Variants in GTF2IRD1 observed in about 807,000 individuals in gnomAD.
GTF2IRD1 encodes the protein GTF2I repeat domain containing 1, also known as general transcription factor II-I repeat domain-containing protein 1.
A neutral mutation model predicts 113.2 loss-of-function variants in GTF2IRD1; 26 were observed. That is an observed-to-expected ratio of 0.23 (90% confidence interval 0.17 to 0.32). The LOEUF (loss-of-function observed/expected upper bound fraction) is 0.32, where lower values mean the gene tolerates loss of function less well. Ranked by LOEUF, GTF2IRD1 falls within the 10% of genes least tolerant of loss-of-function variation. The probability of loss-of-function intolerance (pLI) is 1.00; values close to 1 mark genes in which losing one functional copy is unlikely to be tolerated. For missense variants in GTF2IRD1, 864 were observed against 1,280.8 expected (o/e 0.67, Z 4.97); for synonymous variants, 484 against 529.1 (o/e 0.91, Z 1.17).
intron 16 of GTF2IRD1, among the ~76,000 whole-genome samples, chr7:74,546,171 C>T (rs1365317442): frequency 6.6e-6 from 1 of 151,814 alleles, no homozygotes; most frequent in East Asian, 1.9e-4. Context: ...GATAAGATAA[C>T]CTCAGTGGTG....
At chr7:74,459,091 G>T (rs1793186609) in intron 1 of GTF2IRD1, among the ~76,000 whole-genome samples, 1 of 152,166 alleles carries the variant, frequency 6.6e-6, no homozygotes, top group Non-Finnish European at 1.5e-5. Flanking sequence ...CATGAGTATG[G>T]AGGGTCGTGC....
At chr7:74,538,804 G>A (rs782231182) in intron 13 of GTF2IRD1, 44 bp downstream of exon 13, 83 of 1,050,986 alleles carry the variant, frequency 7.9e-5, no homozygotes, top group East Asian at 7.6e-4. Flanking sequence ...AATCAGGGCC[G>A]GACCGTTAGC....
chr7:74,468,852 A>G (rs1257597093), intron 1 of GTF2IRD1, among the ~76,000 whole-genome samples: 3 of 152,036 alleles, frequency 2.0e-5, no homozygotes, highest in South Asian at 4.1e-4. Context: ...TGGGAGGCCA[A>G]GGCAGGCAGA....
Position 74,521,235 on chromosome 7 carries a change from C to T in GTF2IRD1, c.944C>T (p.Pro315Leu). ...CGQKPTGPGG[P>L]LIQNVHASKR... ...CAGAAGCCCACTGGGCCTGGTGGGC[C>T]TCTCATCCAGAACGTCCATGCCTCC... Residue 315 changes from proline (P) to leucine (L), a missense_variant, in exon 7 of 27, where the codon CCT becomes CTT. Pro to Leu is a moderately conservative substitution (Grantham distance 98). Transcript: ENST00000424337. 6.2e-7 allele frequency: 1 copy of T among 1,609,304 alleles called. No homozygotes were observed. Among genetic ancestry groups the T allele is most frequent in the Non-Finnish European group, 8.5e-7 (1 of 1,175,922 alleles).
intron 1 of GTF2IRD1, among the ~76,000 whole-genome samples, chr7:74,475,348 G>A (rs1305572190): frequency 1.3e-5 from 2 of 152,222 alleles, no homozygotes; most frequent in African/African-American, 4.8e-5. Context: ...TGTGAGGAAG[G>A]GACAGGGTGT....
At position 74,512,133 on chromosome 7, in the gene GTF2IRD1, C is replaced by T. The variant is rs1286403515; in HGVS notation, c.124-697C>T. 3.9e-5 allele frequency among the ~76,000 whole-genome samples: 6 copies of T among 152,126 alleles called. No individual in the cohort carries two copies. The highest frequency in any genetic ancestry group is 8.8e-5 in the Non-Finnish European group (6 of 68,024). On this transcript the variant is annotated intron_variant, in intron 2 of 26. Transcript: ENST00000424337. This position sits in a 1 kb window ranked among gnomAD's most constrained non-coding sequence, Gnocchi z 4.4. Reference sequence around the variant, plus strand: ...TTGGGAGGCTGAGACGGGCAGATCACCTGAGGTCAGGAGTTTGAGACCAGC... The same window carrying T: ...TTGGGAGGCTGAGACGGGCAGATCATCTGAGGTCAGGAGTTTGAGACCAGC...
At chr7:74,496,595 T>C (rs1394415668) in intron 1 of GTF2IRD1, among the ~76,000 whole-genome samples, 14 of 149,250 alleles carry the variant, frequency 9.4e-5, no homozygotes, top group African/African-American at 3.2e-4. Flanking sequence ...TGTGGGTGGG[T>C]GTGGGTGTGC....
intron 22 of GTF2IRD1, chr7:74,571,002 C>T: frequency 1.4e-6 from 1 of 701,390 alleles, no homozygotes; most frequent in Non-Finnish European, 1.8e-6. Context: ...AGGGCTCTCC[C>T]CGGACCCAGG....
At chr7:74,496,469 A>ATGTGGGTGTG (rs1491569784) in intron 1 of GTF2IRD1, among the ~76,000 whole-genome samples, 201 of 88,990 alleles carry the variant, frequency 2.3e-3, no homozygotes, top group African/African-American at 0.011. Context: ...ATGTGTGTTC[A>ATGTGGGTGTG]TGTGGGTGTG....
intron 1 of GTF2IRD1, among the ~76,000 whole-genome samples, chr7:74,497,749 G>A (rs73364437): frequency 0.1 from 15,759 of 151,638 alleles, 1,993 homozygotes; most frequent in East Asian, 0.38. Flanking sequence ...TTGTTGCCCC[G>A]CCTGGAGTGC....
At chr7:74,572,126 A>G (rs1253193249) in intron 22 of GTF2IRD1, among the ~76,000 whole-genome samples, 1 of 152,056 alleles carries the variant, frequency 6.6e-6, no homozygotes, top group African/African-American at 2.4e-5. Context: ...AGTGGGTGCT[A>G]TGGTGGGATG....
chr7:74,509,671 G>T (rs1366830122), intron 2 of GTF2IRD1, among the ~76,000 whole-genome samples: 3 of 151,270 alleles, frequency 2.0e-5, no homozygotes, highest in African/African-American at 7.4e-5. Context: ...GTTTTGTTTT[G>T]TTTTGTTTTG....
intron 1 of GTF2IRD1, among the ~76,000 whole-genome samples, chr7:74,482,125 G>A (rs1389739824): frequency 1.3e-5 from 2 of 152,000 alleles, no homozygotes; most frequent in Non-Finnish European, 2.9e-5. Flanking sequence ...ACCATCTGTA[G>A]TTGCAGGGCA....
chr7:74,460,941 C>T (rs1793322599), intron 1 of GTF2IRD1, among the ~76,000 whole-genome samples: 1 of 152,102 alleles, frequency 6.6e-6, no homozygotes. Flanking sequence ...GAGGCAGGTT[C>T]CCAGCACCTG....
At chr7:74,540,373 C>T (rs1412356417) in intron 14 of GTF2IRD1, among the ~76,000 whole-genome samples, 1 of 151,786 alleles carries the variant, frequency 6.6e-6, no homozygotes, top group Non-Finnish European at 1.5e-5. Context: ...CTTGAACTCC[C>T]GACCTCAGGT....
At chr7:74,476,232 C>T (rs1374141378) in intron 1 of GTF2IRD1, among the ~76,000 whole-genome samples, 1 of 152,084 alleles carries the variant, frequency 6.6e-6, no homozygotes, top group Non-Finnish European at 1.5e-5. Context: ...GCCCAAGCCC[C>T]AGAGAAGGGG....
rs1802199989 is a variant in GTF2IRD1, at chr7:74,593,509, A to G, written c.2592-1505A>G. Reference sequence around the variant, plus strand: ...AGCACTTTGGGAGGCCGAGGCTGGCAGATCACAAGGTCAGGAGATCACAAC... The same window carrying G: ...AGCACTTTGGGAGGCCGAGGCTGGCGGATCACAAGGTCAGGAGATCACAAC... On this transcript the variant is annotated intron_variant, in intron 24 of 26. Transcript: ENST00000424337. Among the ~76,000 whole-genome samples the G allele has an allele frequency of 2.0e-5, 3 of 151,388 alleles. No homozygotes were observed. In the South Asian group the frequency reaches 6.3e-4, roughly 32 times the overall value.
chr7:74,571,242 A>G (rs1441111277), intron 22 of GTF2IRD1: 13 of 406,146 alleles, frequency 3.2e-5, no homozygotes, highest in African/African-American at 1.9e-4. Flanking sequence ...TGCCCACGCC[A>G]CGTCTGCCTC....
intron 22 of GTF2IRD1, among the ~76,000 whole-genome samples, 167 bp from the exon 23 acceptor site, chr7:74,589,684 C>T (rs1583971003): frequency 6.6e-6 from 1 of 150,394 alleles, no homozygotes; most frequent in Middle Eastern, 3.4e-3. Context: ...GGCAACAGAG[C>T]GAGACTCTGT....
Sources: gnomAD v4.1 joint callset for allele counts (sites outside exome capture counted in the v4.1 genomes callset) on GRCh38, gnomAD v4.1.1 for gene constraint, Gnocchi (gnomAD v3.1) non-coding constraint, MANE v1.5 for transcripts, NCBI Gene and HGNC (gene_info 2026-07-23, HGNC 2026-07-21) for gene names.